RIGI: variants seen among roughly 807,000 people sequenced by gnomAD.
RIGI encodes RNA sensor RIG-I.
At chr9:32,489,423 T>A in the RIGI span, 1 of 1,613,408 alleles carries the variant, frequency 6.2e-7, no homozygotes, top group Non-Finnish European at 8.5e-7. Context: ...TTGGTTTAAA[T>A]GGGCTGTACA....
the RIGI span, among the ~76,000 whole-genome samples, chr9:32,509,309 A>ACGCCTCCTGGTGGGGAGT: frequency 9.2e-5 from 14 of 152,282 alleles, no homozygotes; most frequent in African/African-American, 2.9e-4. Context: ...TGGTGGGGAG[A>ACGCCTCCTGGTGGGGAGT]CACCTCCTAC....
chr9:32,482,783 C>G, the RIGI span, among the ~76,000 whole-genome samples: 2 of 151,882 alleles, frequency 1.3e-5, no homozygotes, highest in African/African-American at 4.8e-5. Flanking sequence ...CGCTTGAACC[C>G]AGGAGACGGA....
the RIGI span, among the ~76,000 whole-genome samples, chr9:32,458,464 G>C: frequency 6.6e-6 from 1 of 152,100 alleles, no homozygotes; most frequent in Admixed American, 6.5e-5. Flanking sequence ...TAGCAAGGTA[G>C]GTTTTTTGAC....
At chr9:32,504,941 T>A in the RIGI span, among the ~76,000 whole-genome samples, 1 of 110,026 alleles carries the variant, frequency 9.1e-6, no homozygotes, top group Non-Finnish European at 2.0e-5. Flanking sequence ...ATAATATATA[T>A]TTAAACATAT....
chr9:32,494,058 T>C, the RIGI span: 1 of 766,446 alleles, frequency 1.3e-6, no homozygotes, highest in African/African-American at 1.8e-5. Flanking sequence ...AAAATATCTG[T>C]AAATTACCCC....
At chr9:32,476,228 A>G in the RIGI span, among the ~76,000 whole-genome samples, 1 of 152,238 alleles carries the variant, frequency 6.6e-6, no homozygotes, top group Non-Finnish European at 1.5e-5. Flanking sequence ...ACATAGTGAC[A>G]GCATGAAGCC....
chr9:32,520,503 C>A, the RIGI span, among the ~76,000 whole-genome samples: 2 of 152,094 alleles, frequency 1.3e-5, no homozygotes. Context: ...CCAAATGAAG[C>A]CTCGTCTTCA....
chr9:32,493,390 C>T, the RIGI span, among the ~76,000 whole-genome samples: 1 of 152,194 alleles, frequency 6.6e-6, no homozygotes, highest in Non-Finnish European at 1.5e-5. Flanking sequence ...CTTTGAGAGG[C>T]CAAGGCGGGT....
At chr9:32,519,235 A>G in the RIGI span, among the ~76,000 whole-genome samples, 1 of 152,168 alleles carries the variant, frequency 6.6e-6, no homozygotes, top group Admixed American at 6.5e-5. Flanking sequence ...TTTTACTTAT[A>G]TATACATATT....
chr9:32,501,488 G>C, the RIGI span, among the ~76,000 whole-genome samples: 1 of 152,112 alleles, frequency 6.6e-6, no homozygotes, highest in Non-Finnish European at 1.5e-5. Context: ...CTGGACAACA[G>C]AGTGAAAACT....
chr9:32,477,516 T>C, the RIGI span, among the ~76,000 whole-genome samples: 1 of 152,172 alleles, frequency 6.6e-6, no homozygotes, highest in South Asian at 2.1e-4. Flanking sequence ...GTTAATACAA[T>C]GTGGCTGTGA....
At chr9:32,515,443 G>A in the RIGI span, among the ~76,000 whole-genome samples, 2 of 152,006 alleles carry the variant, frequency 1.3e-5, no homozygotes, top group African/African-American at 4.8e-5. Context: ...GCAAAGTGCT[G>A]TTTCTTTCTC....
At chr9:32,508,493 G>A in the RIGI span, among the ~76,000 whole-genome samples, 3 of 151,876 alleles carry the variant, frequency 2.0e-5, no homozygotes, top group Non-Finnish European at 4.4e-5. Flanking sequence ...GGAAGCACAA[G>A]GGGTCTGGGA....
the RIGI span, among the ~76,000 whole-genome samples, chr9:32,458,756 T>C: frequency 6.6e-6 from 1 of 152,170 alleles, no homozygotes; most frequent in Non-Finnish European, 1.5e-5. Context: ...CCACAGCACA[T>C]TTGTCAAAAC....
the RIGI span, among the ~76,000 whole-genome samples, chr9:32,461,830 T>G: frequency 1.3e-5 from 2 of 152,212 alleles, no homozygotes; most frequent in Non-Finnish European, 2.9e-5. Context: ...TTTTCATCTA[T>G]TTATTATTTT....
chr9:32,487,409 T>G, the RIGI span: 7 of 1,509,066 alleles, frequency 4.6e-6, no homozygotes, highest in East Asian at 1.6e-4. Flanking sequence ...TCTAGATGGC[T>G]CTGAACTAGA....
the RIGI span, among the ~76,000 whole-genome samples, chr9:32,483,986 G>T: frequency 2.0e-5 from 3 of 152,120 alleles, no homozygotes; most frequent in Non-Finnish European, 4.4e-5. Flanking sequence ...GTATCTTAGG[G>T]TTCATGCTGT....
At chr9:32,500,813 T>C in the RIGI span, 12 of 1,614,070 alleles carry the variant, frequency 7.4e-6, no homozygotes, top group South Asian at 1.1e-5. Context: ...ACCTGCATGG[T>C]CTAGGGCATC....
the RIGI span, among the ~76,000 whole-genome samples, chr9:32,481,671 C>T: frequency 6.6e-6 from 1 of 152,042 alleles, no homozygotes; most frequent in East Asian, 1.9e-4. Flanking sequence ...CCGCAACCTC[C>T]ACCTCCCGGA....
Sources: gnomAD v4.1 joint callset for allele counts (sites outside exome capture counted in the v4.1 genomes callset) on GRCh38, gnomAD v4.1.1 for gene constraint, MANE v1.5 for transcripts, NCBI Gene and HGNC (gene_info 2026-07-23, HGNC 2026-07-21) for gene names.